The following PRKACB variants were observed in gnomAD, a reference collection of about 807,000 sequenced individuals.
PRKACB encodes cAMP-dependent protein kinase catalytic subunit beta.
Under a neutral mutation model 51.4 loss-of-function variants are expected in PRKACB, and 16 were observed. That is an observed-to-expected ratio of 0.31 (90% CI 0.21 to 0.47). The LOEUF (loss-of-function observed/expected upper bound fraction) is 0.47. PRKACB is among the 20% of genes least tolerant of loss of function. The probability of loss-of-function intolerance (pLI) is 1.00; values close to 1 mark genes in which losing one functional copy is unlikely to be tolerated. For missense variants in PRKACB, 309 were observed against 464.5 expected (o/e 0.67, Z 3.08); for synonymous variants, 147 against 154.4 (o/e 0.95, Z 0.35).
At chr1:84,107,535 T>A (rs1055274147) in intron 1 of PRKACB, among the ~76,000 whole-genome samples, 4 of 152,072 alleles carry the variant, frequency 2.6e-5, no homozygotes, top group Non-Finnish European at 5.9e-5. Flanking sequence ...ATCAACAGAA[T>A]AAACAAACAA....
At chr1:84,131,600 A>G (rs1422077658) in intron 1 of PRKACB, among the ~76,000 whole-genome samples, 1 of 152,208 alleles carries the variant, frequency 6.6e-6, no homozygotes, top group Non-Finnish European at 1.5e-5. Context: ...ATTGAGAATC[A>G]GTGTTTTGTT....
At chr1:84,202,631 T>C in intron 7 of PRKACB, 52 bp from the exon 8 acceptor site, 1 of 1,517,038 alleles carries the variant, frequency 6.6e-7, no homozygotes, top group Non-Finnish European at 8.9e-7. Flanking sequence ...TTGACTTCAT[T>C]CTCTTTTGAG....
At chr1:84,165,539 G>T (rs1282931921) in intron 1 of PRKACB, among the ~76,000 whole-genome samples, 1 of 151,780 alleles carries the variant, frequency 6.6e-6, no homozygotes, top group Non-Finnish European at 1.5e-5. Flanking sequence ...AATAATTAGA[G>T]CATTTTGGTT....
rs1676781977 is a variant in PRKACB, at chr1:84,237,751, A to G, written c.*2446A>G. The G allele has an allele frequency of 6.6e-6, 1 of 152,202 alleles. No individual in the cohort carries two copies. The highest frequency in any genetic ancestry group is 1.5e-5 in the Non-Finnish European group (1 of 67,996). 9.4% of individuals were successfully genotyped at this position (152,202 alleles called of 1,614,324 possible). ...CCTAAAATTACATATTTGAAACAGA[A>G]GATATTATGTTATGCTCAGTAAATA... On this transcript the variant is annotated 3_prime_UTR_variant, in exon 10 of 10. Transcript: ENST00000370685.
chr1:84,113,152 C>G (rs1650367875), intron 1 of PRKACB, among the ~76,000 whole-genome samples: 1 of 151,428 alleles, frequency 6.6e-6, no homozygotes, highest in African/African-American at 2.4e-5. Context: ...AATGAGGTAC[C>G]TTTTTTAATT....
In PRKACB at chr1:84,164,891, T is replaced by C. The variant is rs1478856179; in HGVS notation, c.188-14286T>C. On this transcript the variant is annotated intron_variant, in intron 1 of 9. Coordinates refer to ENST00000370685, the MANE Select transcript of PRKACB (RefSeq NM_182948.4). ...CTCTTTTCGTTTTCTGTGTGCTGCA[T>C]GCTCCAGTGTGTGTGTTTACACCAT... The C allele has an allele frequency of 4.1e-6, 6 of 1,461,886 alleles. No homozygotes were observed. In the African/African-American group the frequency reaches 5.8e-5, roughly 14 times the overall value. The allele number at this position is 1,461,886 out of a possible 1,614,324, so 90.6% of individuals were successfully genotyped here.
chr1:84,215,169 A>G (rs1225983729), intron 9 of PRKACB, among the ~76,000 whole-genome samples: 1 of 152,162 alleles, frequency 6.6e-6, no homozygotes, highest in Non-Finnish European at 1.5e-5. Flanking sequence ...TAATTCATGC[A>G]TTTTTGGAAG....
At chr1:84,182,834 A>G (rs183125487) in intron 3 of PRKACB, among the ~76,000 whole-genome samples, 148 of 152,160 alleles carry the variant, frequency 9.7e-4, no homozygotes, top group Middle Eastern at 3.4e-3. Flanking sequence ...ATACTGATGG[A>G]CAACTATAAT....
chr1:84,198,757 C>T (rs1668907705), intron 7 of PRKACB, among the ~76,000 whole-genome samples: 1 of 149,942 alleles, frequency 6.7e-6, no homozygotes, highest in Non-Finnish European at 1.5e-5. Flanking sequence ...CATAAACAAA[C>T]AACCAAAAAA....
At chr1:84,133,644 C>T (rs1652487733) in intron 1 of PRKACB, among the ~76,000 whole-genome samples, 1 of 152,168 alleles carries the variant, frequency 6.6e-6, no homozygotes, top group South Asian at 2.1e-4. Flanking sequence ...CGGCTTCACT[C>T]GCTCAGATCT....
chr1:84,184,283 T>C (rs1572175619), intron 4 of PRKACB, 148 bp downstream of exon 4: 1 of 661,200 alleles, frequency 1.5e-6, no homozygotes. Flanking sequence ...TTAAATCCTA[T>C]TGTGCTTATA....
intron 5 of PRKACB, among the ~76,000 whole-genome samples, chr1:84,195,419 A>G (rs1352911839): frequency 2.0e-5 from 3 of 152,232 alleles, no homozygotes; most frequent in Non-Finnish European, 4.4e-5. Flanking sequence ...CATACCAACC[A>G]TCTTGAGGGA....
At chr1:84,116,023 T>G (rs1023461306) in intron 1 of PRKACB, among the ~76,000 whole-genome samples, 3 of 152,132 alleles carry the variant, frequency 2.0e-5, no homozygotes, top group African/African-American at 7.2e-5. Context: ...TGAGTTGATG[T>G]TTCTATGTGG....
intron 5 of PRKACB, among the ~76,000 whole-genome samples, chr1:84,190,421 G>GA (rs1212381405): frequency 6.6e-6 from 1 of 151,838 alleles, no homozygotes; most frequent in Admixed American, 6.6e-5. Context: ...ATATTAGGCA[G>GA]AGTCGTTATT....
At chr1:84,210,372 C>T (rs1671949877) in intron 8 of PRKACB, among the ~76,000 whole-genome samples, 1 of 152,184 alleles carries the variant, frequency 6.6e-6, no homozygotes, top group African/African-American at 2.4e-5. Flanking sequence ...AACCTTATCT[C>T]TCAGACCTAA....
In PRKACB at chr1:84,203,223, A is replaced by G. The variant is rs374415559; in HGVS notation, c.906+418A>G. Reference sequence around the variant, plus strand: ...TCCAATACTATAACATTGGAAGTAAAAGTAAATATAAAATGAATAAGCCTT... The same window carrying G: ...TCCAATACTATAACATTGGAAGTAAGAGTAAATATAAAATGAATAAGCCTT... On this transcript the variant is annotated intron_variant, in intron 8 of 9. Coordinates refer to ENST00000370685, the MANE Select transcript of PRKACB (RefSeq NM_182948.4). Among the ~76,000 whole-genome samples, 371 of 152,152 alleles carry G rather than the reference A, an allele frequency of 2.4e-3. 6 individuals are homozygous for G. The South Asian group carries it at 0.042, about 17-fold the overall frequency.
chr1:84,085,268 T>TCC (rs1450988276), intron 1 of PRKACB, among the ~76,000 whole-genome samples: 1 of 152,234 alleles, frequency 6.6e-6, no homozygotes, highest in African/African-American at 2.4e-5. Context: ...TCAGTTTTAT[T>TCC]CCCCTGGAGT....
intron 7 of PRKACB, among the ~76,000 whole-genome samples, chr1:84,199,077 G>C (rs1313803408): frequency 2.0e-5 from 1 of 48,848 alleles, no homozygotes; most frequent in African/African-American, 4.4e-5. Context: ...ATGCATATAT[G>C]TATATATATG....
chr1:84,109,899 C>G (rs776350865), intron 1 of PRKACB, among the ~76,000 whole-genome samples: 1 of 151,772 alleles, frequency 6.6e-6, no homozygotes, highest in Non-Finnish European at 1.5e-5. Flanking sequence ...ATGTTATAAA[C>G]TTTCCTTATT....
Sources: allele counts gnomAD v4.1 joint callset (sites outside exome capture counted in the v4.1 genomes callset), GRCh38; gene constraint gnomAD v4.1.1; transcripts MANE v1.5; gene names NCBI Gene and HGNC (gene_info 2026-07-23, HGNC 2026-07-21).